RBFOX1: variants seen among roughly 807,000 people sequenced by gnomAD.
RBFOX1 encodes the protein RNA binding protein fox-1 homolog 1.
In RBFOX1, 8 loss-of-function variants were observed where a neutral mutation model predicts 57.7. The observed-to-expected ratio is 0.14, with a 90% CI of 0.08 to 0.25. The LOEUF is 0.25. Among genes scored for constraint, RBFOX1 ranks in the 10% least tolerant of loss-of-function variants. The pLI is 1.00. For missense variants in RBFOX1, 611 were observed against 548.5 expected, an observed-to-expected ratio of 1.11 and a Z score of -1.14; for synonymous variants, 326 against 222.4, an observed-to-expected ratio of 1.47 and a Z score of -4.15.
chr16:7,390,936 T>A lies in RBFOX1; in HGVS notation c.28-127211T>A, dbSNP rs939415127. Among the ~76,000 whole-genome samples the A allele has an allele frequency of 2.6e-5, 4 of 152,158 alleles. No individual in the cohort carries two copies. In the South Asian group the frequency reaches 8.3e-4, roughly 32 times the overall value. ...AAAAAAGATCCAGGGAGAAGGATTT[T>A]TTTTACTGCCTGTTTTGCTTGTGTG... is the stretch of plus-strand genomic sequence containing the variant. On this transcript the variant is annotated intron_variant, in intron 4 of 15. Transcript: ENST00000550418.
At chr16:5,882,724 G>A (rs1421243060) in intron 4 of RBFOX1, among the ~76,000 whole-genome samples, 1 of 152,188 alleles carries the variant, frequency 6.6e-6, no homozygotes, top group Non-Finnish European at 1.5e-5. Flanking sequence ...GAGGCCCCAT[G>A]TGCCAGTGTT....
intron 3 of RBFOX1, among the ~76,000 whole-genome samples, chr16:5,624,131 C>T (rs922078378): frequency 6.6e-6 from 1 of 152,192 alleles, no homozygotes; most frequent in Non-Finnish European, 1.5e-5. Context: ...CATTTTAGGT[C>T]ACTTTTAATA....
At chr16:6,206,402 C>G (rs997263843) in intron 1 of RBFOX1, among the ~76,000 whole-genome samples, 5 of 152,272 alleles carry the variant, frequency 3.3e-5, no homozygotes, top group Admixed American at 3.3e-4. Flanking sequence ...TGTTCTCAAT[C>G]TCAGTGTGAT....
intron 13 of RBFOX1, among the ~76,000 whole-genome samples, chr16:7,674,607 C>T (rs921252203): frequency 7.9e-5 from 12 of 152,208 alleles, no homozygotes; most frequent in Non-Finnish European, 1.6e-4. Flanking sequence ...ATATTGACGA[C>T]TTGTGCCCGT....
chr16:5,649,515 G>T (rs2049163371), intron 3 of RBFOX1, among the ~76,000 whole-genome samples: 1 of 152,152 alleles, frequency 6.6e-6, no homozygotes, highest in African/African-American at 2.4e-5. Context: ...CACATTGGCA[G>T]TTGTTATTGG....
intron 3 of RBFOX1, among the ~76,000 whole-genome samples, chr16:5,607,615 T>C (rs75422029): frequency 0.024 from 3,666 of 152,212 alleles, 91 homozygotes; most frequent in African/African-American, 0.063. Flanking sequence ...AGTAGGTGCT[T>C]AGTAAGGCTT....
At chr16:5,741,192 C>T (rs548941099) in intron 3 of RBFOX1, among the ~76,000 whole-genome samples, 2 of 152,252 alleles carry the variant, frequency 1.3e-5, no homozygotes, top group East Asian at 3.9e-4. Flanking sequence ...CATCTCATCC[C>T]TCTTTCCTGC....
chr16:5,823,502 C>G (rs980996292), intron 3 of RBFOX1, among the ~76,000 whole-genome samples: 2 of 152,088 alleles, frequency 1.3e-5, no homozygotes, highest in African/African-American at 4.8e-5. Context: ...TCCCCAAACC[C>G]CAGGCCACGG....
chr16:6,968,227 G>T (rs1409778918), intron 3 of RBFOX1, among the ~76,000 whole-genome samples: 2 of 152,190 alleles, frequency 1.3e-5, no homozygotes, highest in Non-Finnish European at 2.9e-5. Flanking sequence ...GCTTTTCTCT[G>T]GTTGGTGCCT....
chr16:5,817,631 A>C (rs2151796342), intron 3 of RBFOX1, among the ~76,000 whole-genome samples: 1 of 151,446 alleles, frequency 6.6e-6, no homozygotes, highest in East Asian at 1.9e-4. Flanking sequence ...GGGAGAGAGA[A>C]AGGGGTTCAT....
intron 4 of RBFOX1, among the ~76,000 whole-genome samples, chr16:7,504,722 TATATA>T (rs2072243899): frequency 1.8e-4 from 1 of 5,412 alleles, no homozygotes. Context: ...TATATATATA[TATATA>T]TATATATATA....
intron 2 of RBFOX1, among the ~76,000 whole-genome samples, chr16:6,380,694 G>A (rs2795560): frequency 2.0e-5 from 3 of 150,978 alleles, no homozygotes; most frequent in African/African-American, 7.3e-5. Context: ...CTCTTTGGGG[G>A]CATACAAAAC....
At chr16:7,072,006 C>G (rs993426578) in intron 4 of RBFOX1, among the ~76,000 whole-genome samples, 1 of 152,178 alleles carries the variant, frequency 6.6e-6, no homozygotes, top group Non-Finnish European at 1.5e-5. Context: ...AAAATTCACT[C>G]TCGCAAACCT....
At chr16:5,941,241 A>T (rs530906651) in intron 4 of RBFOX1, among the ~76,000 whole-genome samples, 2 of 152,158 alleles carry the variant, frequency 1.3e-5, no homozygotes, top group Non-Finnish European at 2.9e-5. Flanking sequence ...TGTAATCCCA[A>T]TGCTTTGGAA....
chr16:7,015,987 T>G (rs2093890841), intron 3 of RBFOX1, among the ~76,000 whole-genome samples: 1 of 152,164 alleles, frequency 6.6e-6, no homozygotes, highest in Non-Finnish European at 1.5e-5. Context: ...GCAACACCAG[T>G]AGTTATTGCT....
At chr16:7,432,143 G>T (rs751495833) in intron 4 of RBFOX1, among the ~76,000 whole-genome samples, 7 of 152,202 alleles carry the variant, frequency 4.6e-5, no homozygotes, top group Non-Finnish European at 1.0e-4. Flanking sequence ...CTCATTGTCA[G>T]GTCAGCAGGG....
Position 6,766,562 on chromosome 16 carries a change from C to T in RBFOX1, c.-16+111912C>T, listed in dbSNP as rs184714311. 2.9e-4 allele frequency among the ~76,000 whole-genome samples: 44 copies of T among 151,922 alleles called. 1 individual carries two copies. The East Asian group carries it at 7.2e-3, about 25-fold the overall frequency. ...CTGCAATGACACCCATGTTCTTTAT[C>T]ATCAGTGTCTAATGAGGTACCTACT... On this transcript the variant is annotated intron_variant, in intron 3 of 15. Transcript: ENST00000550418.
chr16:6,268,897 G>C (rs778254340), intron 1 of RBFOX1, among the ~76,000 whole-genome samples: 1 of 152,182 alleles, frequency 6.6e-6, no homozygotes, highest in Non-Finnish European at 1.5e-5. Context: ...CTGGTTCCAG[G>C]ACAGTCCAAA....
chr16:5,572,480 A>G (rs1224990040), intron 2 of RBFOX1, among the ~76,000 whole-genome samples: 1 of 152,102 alleles, frequency 6.6e-6, no homozygotes, highest in Non-Finnish European at 1.5e-5. Context: ...AGGATGCTTG[A>G]CAGCATCCTA....
Sources: allele counts gnomAD v4.1 joint callset (sites outside exome capture counted in the v4.1 genomes callset), GRCh38; gene constraint gnomAD v4.1.1; transcripts MANE v1.5; gene names NCBI Gene and HGNC (gene_info 2026-07-23, HGNC 2026-07-21).